CAMK1D: variants seen among roughly 807,000 people sequenced by gnomAD.
The protein encoded by CAMK1D is calcium/calmodulin dependent protein kinase ID, also known as calcium/calmodulin-dependent protein kinase type 1D.
A neutral mutation model predicts 47.7 loss-of-function variants in CAMK1D; 9 were observed. The observed-to-expected ratio is 0.19, with a 90% confidence interval of 0.11 to 0.33. The LOEUF is 0.33. Ranked by LOEUF, CAMK1D falls within the 10% of genes least tolerant of loss-of-function variation. The pLI is 1.00. For synonymous variants in CAMK1D, 184 were observed against 184.9 expected (o/e 0.99, Z 0.04); for missense variants, 291 against 488.7 (o/e 0.60, Z 3.81).
chr10:12,824,333 G>A lies in CAMK1D; in HGVS notation c.834-132G>A. Reference sequence around the variant, plus strand: ...AGGTGATGACATCAGCAGCCTGGAAGGGCAGCGGCCAGCCACCCTGTCCAC... The same window carrying A: ...AGGTGATGACATCAGCAGCCTGGAAAGGCAGCGGCCAGCCACCCTGTCCAC... On this transcript the variant is annotated intron_variant, in intron 8 of 10. Coordinates refer to ENST00000619168, the MANE Select transcript of CAMK1D (RefSeq NM_153498.4). The A allele has an allele frequency of 5.7e-6, 4 of 698,074 alleles. No homozygotes were observed. In the Admixed American group the frequency reaches 9.5e-5, roughly 16 times the overall value. The allele number at this position is 698,074 out of a possible 1,614,324, so 43.2% of individuals were successfully genotyped here. A position where few individuals can be genotyped will look rare whatever the true frequency, so the allele number is the denominator to read the frequency against.
chr10:12,773,039 G>A (rs533434921), intron 5 of CAMK1D, among the ~76,000 whole-genome samples: 1 of 152,292 alleles, frequency 6.6e-6, no homozygotes, highest in African/African-American at 2.4e-5. Flanking sequence ...CTGTCACCTT[G>A]TCCTCTCCTT....
chr10:12,368,274 GGAGGCTGAAGCAGGAGGTTCACTT>G lies in CAMK1D; in HGVS notation c.92+18369_92+18392del, dbSNP rs546697597. Among the ~76,000 whole-genome samples the G allele has an allele frequency of 2.5e-3, 381 of 152,248 alleles. 8 individuals carry two copies. The highest frequency in any genetic ancestry group is 9.5e-3 in the East Asian group (49 of 5,180). On this transcript the variant is annotated intron_variant, in intron 1 of 10. Coordinates refer to ENST00000619168, the MANE Select transcript of CAMK1D (RefSeq NM_153498.4). Reference sequence around the variant, plus strand: ...TCATGCCTGTACTCCCAGCTACTTGGGAGGCTGAAGCAGGAGGTTCACTTGAGGTCAGGAGTTCCAGGCTCCTGG... The same window carrying G: ...TCATGCCTGTACTCCCAGCTACTTGGGAGGTCAGGAGTTCCAGGCTCCTGG...
At chr10:12,689,843 C>G (rs1411420209) in intron 3 of CAMK1D, among the ~76,000 whole-genome samples, 1 of 151,658 alleles carries the variant, frequency 6.6e-6, no homozygotes. Flanking sequence ...TTATATTCAG[C>G]TTATTATTAA....
At chr10:12,657,427 A>AAAATAAATAAATAAATAAATAAAT (rs10524598) in intron 2 of CAMK1D, among the ~76,000 whole-genome samples, 24 of 146,710 alleles carry the variant, frequency 1.6e-4, no homozygotes, top group Non-Finnish European at 2.1e-4. Flanking sequence ...CTGTCTCATA[A>AAAATAAATAAATAAATAAATAAAT]AAATAAATAA....
At chr10:12,827,367 T>TCTTA (rs1180752200) in intron 10 of CAMK1D, among the ~76,000 whole-genome samples, 8 of 49,608 alleles carry the variant, frequency 1.6e-4, no homozygotes, top group African/African-American at 4.1e-4. Context: ...TCTTTCTTTC[T>TCTTA]CTTTCTTTCT....
chr10:12,416,124 A>G lies in CAMK1D; in HGVS notation c.92+66214A>G, dbSNP rs1007586603. 4.6e-5 allele frequency: 7 copies of G among 152,210 alleles called. 1 individual carries two copies. Among genetic ancestry groups the G allele is most frequent in the African/African-American group, 1.7e-4 (7 of 41,456 alleles). 9.4% of individuals were successfully genotyped at this position (152,210 alleles called of 1,614,324 possible). On this transcript the variant is annotated intron_variant, in intron 1 of 10. Transcript: ENST00000619168. The stretch of plus-strand genomic sequence containing the variant: ...GCAGTATTTCAGAATAAAAGGTGGT[A>G]TATAGAATTCACTTTTTGGATATTA...
At chr10:12,666,667 GCTGT>G (rs1564477558) in intron 2 of CAMK1D, 65 bp from the exon 3 acceptor site, 1 of 1,235,046 alleles carries the variant, frequency 8.1e-7, no homozygotes, top group African/African-American at 1.5e-5. Context: ...TTGCTACAAT[GCTGT>G]CTGTTTTGAA....
chr10:12,774,846 G>C (rs1186403177), intron 5 of CAMK1D, among the ~76,000 whole-genome samples: 1 of 152,278 alleles, frequency 6.6e-6, no homozygotes, highest in Non-Finnish European at 1.5e-5. Flanking sequence ...TTGATGATCT[G>C]AGGTGGAACA....
intron 1 of CAMK1D, among the ~76,000 whole-genome samples, chr10:12,523,004 C>T (rs1343832217): frequency 2.0e-5 from 3 of 147,422 alleles, no homozygotes; most frequent in East Asian, 2.0e-4. Context: ...GGCTGCCGGG[C>T]GGAGACGCTC....
At chr10:12,808,023 C>A (rs1282416747) in intron 6 of CAMK1D, among the ~76,000 whole-genome samples, 2 of 152,246 alleles carry the variant, frequency 1.3e-5, no homozygotes, top group African/African-American at 2.4e-5. Flanking sequence ...AGCTCACATG[C>A]CGCACCGCAG....
At chr10:12,717,891 C>CAAAAAAAAAAAAAAAA (rs1181845465) in intron 3 of CAMK1D, among the ~76,000 whole-genome samples, 1 of 52,908 alleles carries the variant, frequency 1.9e-5, no homozygotes, top group Non-Finnish European at 4.0e-5. Context: ...GAGACCCTGT[C>CAAAAAAAAAAAAAAAA]AAAAAAAAAA....
At chr10:12,716,701 G>A (rs1834149892) in intron 3 of CAMK1D, among the ~76,000 whole-genome samples, 1 of 152,008 alleles carries the variant, frequency 6.6e-6, no homozygotes, top group Non-Finnish European at 1.5e-5. Context: ...TAACAGTATG[G>A]CATCATGCAG....
intron 1 of CAMK1D, among the ~76,000 whole-genome samples, chr10:12,360,329 G>A (rs184717091): frequency 7.4e-4 from 113 of 152,198 alleles, no homozygotes; most frequent in Non-Finnish European, 1.3e-3. Context: ...CTGTCCCTTC[G>A]TACAAGGCCC....
chr10:12,420,962 C>A (rs565036206), intron 1 of CAMK1D, among the ~76,000 whole-genome samples: 2 of 152,286 alleles, frequency 1.3e-5, no homozygotes, highest in East Asian at 3.9e-4. Flanking sequence ...GGGAGAGAGA[C>A]AGGTGTATTG....
intron 3 of CAMK1D, among the ~76,000 whole-genome samples, chr10:12,749,097 C>G (rs1326219194): frequency 6.6e-6 from 1 of 152,166 alleles, no homozygotes; most frequent in African/African-American, 2.4e-5. Context: ...TGCTCCACAC[C>G]TTGACTGATA....
intron 2 of CAMK1D, among the ~76,000 whole-genome samples, chr10:12,579,767 G>A (rs1837606482): frequency 6.6e-6 from 1 of 152,178 alleles, no homozygotes; most frequent in African/African-American, 2.4e-5. Flanking sequence ...TGCCTTCACT[G>A]TGATGGGGAC....
At chr10:12,616,968 G>A (rs917630912) in intron 2 of CAMK1D, among the ~76,000 whole-genome samples, 2 of 152,178 alleles carry the variant, frequency 1.3e-5, no homozygotes, top group Admixed American at 1.3e-4. Context: ...TGTAGGGAAG[G>A]GGTGGTGGTG....
chr10:12,531,533 C>T (rs183172069), intron 1 of CAMK1D, among the ~76,000 whole-genome samples: 5 of 152,284 alleles, frequency 3.3e-5, no homozygotes, highest in South Asian at 2.1e-4. Flanking sequence ...ATGATTACAG[C>T]GTGTACCATC....
At chr10:12,694,088 A>ATATATATTATATAT (rs1491145341) in intron 3 of CAMK1D, among the ~76,000 whole-genome samples, 2 of 21,780 alleles carry the variant, frequency 9.2e-5, no homozygotes. Flanking sequence ...ATTATGTATA[A>ATATATATTATATAT]TATATATTAT....
Sources: gnomAD v4.1 joint callset for allele counts (sites outside exome capture counted in the v4.1 genomes callset) on GRCh38, gnomAD v4.1.1 for gene constraint, MANE v1.5 for transcripts, NCBI Gene and HGNC (gene_info 2026-07-23, HGNC 2026-07-21) for gene names.